The following TAFA2 variants were observed in gnomAD, a reference collection of about 807,000 sequenced individuals.
TAFA2 encodes TAFA chemokine like family member 2, also known as chemokine-like protein TAFA-2.
A neutral mutation model predicts 18.8 loss-of-function variants in TAFA2; 7 were observed. The observed-to-expected ratio is 0.37, with a 90% CI of 0.21 to 0.70. The LOEUF (loss-of-function observed/expected upper bound fraction) is 0.70, where lower values mean the gene tolerates loss of function less well. TAFA2 is among the 30% of genes least tolerant of loss of function. The pLI is 0.53. For missense variants in TAFA2, 122 were observed against 158.1 expected (o/e 0.77, Z 1.23); for synonymous variants, 60 against 54.2 (o/e 1.11, Z -0.47).
chr12:62,228,269 G>GTCAGA (rs1260259333), intron 1 of TAFA2, among the ~76,000 whole-genome samples: 1 of 151,972 alleles, frequency 6.6e-6, no homozygotes, highest in African/African-American at 2.4e-5. Context: ...CCACTTATAA[G>GTCAGA]TCAGAACATG....
At chr12:61,964,764 C>G (rs1406606527) in intron 1 of TAFA2, among the ~76,000 whole-genome samples, 1 of 151,886 alleles carries the variant, frequency 6.6e-6, no homozygotes. Context: ...CCTTCCTCTA[C>G]CACCTCTTTT....
intron 1 of TAFA2, among the ~76,000 whole-genome samples, chr12:62,233,468 C>T (rs2062821901): frequency 6.6e-6 from 1 of 152,138 alleles, no homozygotes. Context: ...CATTGGAATG[C>T]ACTTCATACA....
intron 1 of TAFA2, among the ~76,000 whole-genome samples, chr12:61,979,677 AAG>A (rs1385616891): frequency 6.6e-6 from 1 of 152,066 alleles, no homozygotes; most frequent in Non-Finnish European, 1.5e-5. Context: ...AAGAAATGAA[AAG>A]AGAAAATAAG....
chr12:62,120,165 T>TA (rs1870130842), intron 1 of TAFA2, among the ~76,000 whole-genome samples: 1 of 152,012 alleles, frequency 6.6e-6, no homozygotes, highest in African/African-American at 2.4e-5. Flanking sequence ...CTAGATACTG[T>TA]AAAGAACAAA....
chr12:61,765,953 T>C (rs1869771496), intron 2 of TAFA2, among the ~76,000 whole-genome samples: 1 of 152,088 alleles, frequency 6.6e-6, no homozygotes, highest in Non-Finnish European at 1.5e-5. Context: ...GTTAGTTCAC[T>C]GTCAGTTCCA....
Position 61,808,861 on chromosome 12 carries a change from A to G in TAFA2, c.107-53837T>C, listed in dbSNP as rs959558248. On this transcript the variant is annotated intron_variant, in intron 2 of 4. Coordinates refer to ENST00000416284, the MANE Select transcript of TAFA2 (RefSeq NM_178539.5). ...AAATGCAGGCACAAATGAATTAACA[A>G]CTATATCAAATCTGTTACTAATTGT... Among the ~76,000 whole-genome samples, 2 of 151,494 alleles carry G rather than the reference A, an allele frequency of 1.3e-5. 1 individual carries two copies. The highest frequency in any genetic ancestry group is 4.9e-5 in the African/African-American group (2 of 40,764).
At chr12:61,893,183 A>C (rs1341607025) in intron 1 of TAFA2, among the ~76,000 whole-genome samples, 1 of 152,206 alleles carries the variant, frequency 6.6e-6, no homozygotes, top group Non-Finnish European at 1.5e-5. Flanking sequence ...CCGAGTCCAA[A>C]GTTTTGACTA....
At chr12:62,083,725 T>A (rs575873855) in intron 1 of TAFA2, among the ~76,000 whole-genome samples, 15 of 151,782 alleles carry the variant, frequency 9.9e-5, no homozygotes, top group East Asian at 3.9e-4. Flanking sequence ...TTAAATATAT[T>A]TTTTTTTGTA....
intron 4 of TAFA2, among the ~76,000 whole-genome samples, chr12:61,748,291 G>A (rs555673976): frequency 2.0e-5 from 3 of 152,224 alleles, no homozygotes; most frequent in South Asian, 2.1e-4. Flanking sequence ...ACTGTGAGTT[G>A]CATTAAAATA....
chr12:62,073,719 A>G (rs1882692908), intron 1 of TAFA2, among the ~76,000 whole-genome samples: 1 of 152,118 alleles, frequency 6.6e-6, no homozygotes, highest in African/African-American at 2.4e-5. Flanking sequence ...ATTTTTTATT[A>G]CATTTTTGAT....
At chr12:62,175,882 A>ATG (rs2062509620) in intron 1 of TAFA2, among the ~76,000 whole-genome samples, 1 of 150,826 alleles carries the variant, frequency 6.6e-6, no homozygotes, top group South Asian at 2.1e-4. Flanking sequence ...ATATATATAT[A>ATG]TTAAATTACA....
At chr12:61,906,051 G>A (rs895712589) in intron 1 of TAFA2, among the ~76,000 whole-genome samples, 19 of 152,266 alleles carry the variant, frequency 1.2e-4, no homozygotes, top group Non-Finnish European at 2.2e-4. Flanking sequence ...ACATGAAATT[G>A]GTCCTTAATG....
chr12:61,846,716 T>C (rs900034576), intron 2 of TAFA2, among the ~76,000 whole-genome samples: 2 of 152,186 alleles, frequency 1.3e-5, no homozygotes, highest in Non-Finnish European at 2.9e-5. Flanking sequence ...AAAACTCTAA[T>C]TGCATCCACG....
chr12:61,848,250 A>G (rs955489903), intron 2 of TAFA2, among the ~76,000 whole-genome samples: 1 of 152,214 alleles, frequency 6.6e-6, no homozygotes, highest in African/African-American at 2.4e-5. Context: ...AGAGCAAAAC[A>G]ACTCCCCAGT....
intron 1 of TAFA2, among the ~76,000 whole-genome samples, chr12:61,978,691 C>G (rs958093184): frequency 6.6e-6 from 1 of 151,986 alleles, no homozygotes. Flanking sequence ...GGGCCTCAAC[C>G]AAGACCTACT....
At chr12:61,783,670 GC>G (rs1229749437) in intron 2 of TAFA2, among the ~76,000 whole-genome samples, 1 of 151,514 alleles carries the variant, frequency 6.6e-6, no homozygotes, top group Non-Finnish European at 1.5e-5. Flanking sequence ...AAGAAAACCT[GC>G]CCTTTATACA....
At chr12:61,930,918 A>C (rs1877527915) in intron 1 of TAFA2, among the ~76,000 whole-genome samples, 1 of 152,230 alleles carries the variant, frequency 6.6e-6, no homozygotes, top group Non-Finnish European at 1.5e-5. Flanking sequence ...GATCCATGGC[A>C]GAAGTAATTT....
intron 1 of TAFA2, among the ~76,000 whole-genome samples, chr12:62,106,106 G>A (rs1243216922): frequency 6.6e-6 from 1 of 152,060 alleles, no homozygotes; most frequent in African/African-American, 2.4e-5. Flanking sequence ...GCCAAGGTGG[G>A]CAGATCACCT....
chr12:61,958,491 C>A (rs1265057850), intron 1 of TAFA2, among the ~76,000 whole-genome samples: 1 of 151,828 alleles, frequency 6.6e-6, no homozygotes, highest in African/African-American at 2.4e-5. Context: ...TTTGTGCTAC[C>A]AGTTTTTTTA....
Sources: allele counts gnomAD v4.1 joint callset (sites outside exome capture counted in the v4.1 genomes callset), GRCh38; gene constraint gnomAD v4.1.1; transcripts MANE v1.5; gene names NCBI Gene and HGNC (gene_info 2026-07-23, HGNC 2026-07-21).